FMNL2: variants seen among roughly 807,000 people sequenced by gnomAD.
FMNL2 encodes formin-like protein 2.
FMNL2 carries 51 observed loss-of-function variants against 130.2 expected under a neutral mutation model. The observed-to-expected ratio is 0.39, with a 90% CI of 0.31 to 0.49. The LOEUF (loss-of-function observed/expected upper bound fraction) is 0.49, where lower values mean the gene tolerates loss of function less well. Among genes scored for constraint, FMNL2 ranks in the 20% least tolerant of loss-of-function variants. The pLI is 0.85. For missense variants in FMNL2, 977 were observed against 1,316.2 expected (o/e 0.74, Z 3.99); for synonymous variants, 465 against 467.1 (o/e 1.00, Z 0.06).
At chr2:152,571,235 G>C (rs1696153617) in intron 6 of FMNL2, among the ~76,000 whole-genome samples, 1 of 152,154 alleles carries the variant, frequency 6.6e-6, no homozygotes, top group Admixed American at 6.5e-5. Flanking sequence ...TGGTGGAGAG[G>C]AGGGCCCAGG....
chr2:152,479,460 A>T (rs1690354507), intron 1 of FMNL2, among the ~76,000 whole-genome samples: 1 of 152,162 alleles, frequency 6.6e-6, no homozygotes. Context: ...AAGCAGTTTT[A>T]TTTAAATCCT....
chr2:152,395,744 T>G (rs1685356448), intron 1 of FMNL2, among the ~76,000 whole-genome samples: 1 of 152,206 alleles, frequency 6.6e-6, no homozygotes, highest in Non-Finnish European at 1.5e-5. Context: ...TAAGCCAAAT[T>G]TATTTTTATA....
intron 1 of FMNL2, among the ~76,000 whole-genome samples, chr2:152,512,758 A>G (rs1692556842): frequency 1.3e-5 from 2 of 152,184 alleles, no homozygotes; most frequent in African/African-American, 4.8e-5. Flanking sequence ...AGGTTCATAA[A>G]TTAACAAAAT....
Position 152,542,687 on chromosome 2 carries a change from CTG to C in FMNL2, c.202-48_202-47del, listed in dbSNP as rs147614768. The C allele has an allele frequency of 5.1e-4, 806 of 1,577,810 alleles. 7 individuals are homozygous for C. The East Asian group carries it at 0.015, about 30-fold the overall frequency. On this transcript the variant is annotated intron_variant, in intron 2 of 25. Transcript: ENST00000288670. ...TGGTAACATAATCTGATGTGGCTGA[CTG>C]TGTCATGGCTTCATACCTTTCATGC...
chr2:152,632,370 C>T (rs570969573), intron 21 of FMNL2, among the ~76,000 whole-genome samples: 2 of 152,300 alleles, frequency 1.3e-5, no homozygotes, highest in African/African-American at 4.8e-5. Flanking sequence ...GGCCACTGAG[C>T]GTCATGTCCC....
In FMNL2 at chr2:152,580,966, C is replaced by T; in HGVS notation, c.793C>T (p.Leu265Phe). ...LNNKNPRTKA[L>F]VLELLAAVCL... is the part of the protein sequence containing the mutation. ...TTCTTGTTTTGGCAGAACAAAAGCC[C>T]TTGTCTTAGAACTGTTGGCAGCCGT... The change falls in exon 9 of 26, where the codon CTT (leucine) becomes TTT (phenylalanine). Residue 265 changes from leucine to phenylalanine, a missense_variant. Coordinates refer to ENST00000288670, the MANE Select transcript of FMNL2 (RefSeq NM_052905.4). 6.2e-7 allele frequency: 1 copy of T among 1,613,286 alleles called. No individual in the cohort carries two copies. The highest frequency in any genetic ancestry group is 1.1e-5 in the South Asian group (1 of 90,886).
intron 1 of FMNL2, among the ~76,000 whole-genome samples, chr2:152,361,621 G>T (rs1471313758): frequency 1.3e-5 from 2 of 151,910 alleles, no homozygotes; most frequent in Non-Finnish European, 2.9e-5. Flanking sequence ...CCATTTTCTT[G>T]GTTTTAGCTT....
chr2:152,534,699 A>T (rs914468910), intron 2 of FMNL2, among the ~76,000 whole-genome samples: 11 of 151,854 alleles, frequency 7.2e-5, no homozygotes, highest in African/African-American at 2.7e-4. Context: ...TTTGAAAGGC[A>T]TTCCTAAGTA....
At chr2:152,435,998 C>T (rs928787575) in intron 1 of FMNL2, among the ~76,000 whole-genome samples, 10 of 151,766 alleles carry the variant, frequency 6.6e-5, no homozygotes, top group Non-Finnish European at 1.3e-4. Flanking sequence ...GGTGCTATAG[C>T]ATGTATACAT....
At chr2:152,548,805 A>G (rs568627206) in intron 3 of FMNL2, among the ~76,000 whole-genome samples, 16 of 152,248 alleles carry the variant, frequency 1.1e-4, no homozygotes, top group African/African-American at 3.6e-4. Flanking sequence ...TACTTACTGA[A>G]AGGCACATTA....
At chr2:152,504,084 G>A (rs575853335) in intron 1 of FMNL2, among the ~76,000 whole-genome samples, 25 of 152,308 alleles carry the variant, frequency 1.6e-4, no homozygotes, top group East Asian at 1.4e-3. Context: ...CCAGCTACGC[G>A]GGAGGTTGGG....
intron 1 of FMNL2, among the ~76,000 whole-genome samples, chr2:152,498,304 T>C (rs1691630156): frequency 6.6e-6 from 1 of 152,224 alleles, no homozygotes; most frequent in Non-Finnish European, 1.5e-5. Flanking sequence ...AAAAGTATTG[T>C]TATATTGTCT....
chr2:152,602,420 C>G (rs1350322506), intron 9 of FMNL2, among the ~76,000 whole-genome samples: 1 of 152,182 alleles, frequency 6.6e-6, no homozygotes, highest in Non-Finnish European at 1.5e-5. Flanking sequence ...GCCCCAGCTG[C>G]TAGCAGTAGT....
intron 1 of FMNL2, among the ~76,000 whole-genome samples, chr2:152,375,877 C>CTCTCTCTATATATATATATATATATA (rs796954245): frequency 1.1e-4 from 12 of 112,468 alleles, no homozygotes; most frequent in South Asian, 3.6e-4. Flanking sequence ...CTCTCTCTCT[C>CTCTCTCTATATATATATATATATATA]TATATATATA....
chr2:152,485,801 GAGAC>G (rs1397787324), intron 1 of FMNL2, among the ~76,000 whole-genome samples: 4 of 152,188 alleles, frequency 2.6e-5, no homozygotes, highest in Admixed American at 6.5e-5. Context: ...TAGCAGAATA[GAGAC>G]TGCATCCCCT....
chr2:152,428,706 A>G (rs964335446), intron 1 of FMNL2, among the ~76,000 whole-genome samples: 11 of 152,206 alleles, frequency 7.2e-5, no homozygotes, highest in African/African-American at 2.4e-4. Flanking sequence ...ATAAGAATTT[A>G]TAGCAAACCC....
chr2:152,557,118 G>A (rs1452456556), intron 4 of FMNL2, among the ~76,000 whole-genome samples: 2 of 152,048 alleles, frequency 1.3e-5, no homozygotes, highest in Non-Finnish European at 2.9e-5. Flanking sequence ...CTAATTACTA[G>A]TATTTAAACG....
At chr2:152,447,004 A>C (rs1302178871) in intron 1 of FMNL2, among the ~76,000 whole-genome samples, 1 of 152,160 alleles carries the variant, frequency 6.6e-6, no homozygotes, top group African/African-American at 2.4e-5. Flanking sequence ...GGCCCAGTTT[A>C]GATTTTTTTA....
chr2:152,365,772 C>G (rs1018624507), intron 1 of FMNL2, among the ~76,000 whole-genome samples: 1 of 151,022 alleles, frequency 6.6e-6, no homozygotes, highest in Non-Finnish European at 1.5e-5. Flanking sequence ...AACTCTGTCT[C>G]AAAACAACAA....
Sources: gnomAD v4.1 joint callset for allele counts (sites outside exome capture counted in the v4.1 genomes callset) on GRCh38, gnomAD v4.1.1 for gene constraint, MANE v1.5 for transcripts, NCBI Gene and HGNC (gene_info 2026-07-23, HGNC 2026-07-21) for gene names.